Variants in ROPN1L observed in about 807,000 individuals in gnomAD.
ROPN1L encodes the protein rhophilin associated tail protein 1 like.
A neutral mutation model predicts 22.7 loss-of-function variants in ROPN1L; 23 were observed. The ratio of observed to expected loss-of-function variants is 1.01; its 90% CI spans 0.73 to 1.43. The LOEUF is 1.43. Ranked by LOEUF, ROPN1L falls within the 40% of genes most tolerant of loss-of-function variation. ROPN1L has a pLI of 0.00. For synonymous variants in ROPN1L, 116 were observed against 117.8 expected, an observed-to-expected ratio of 0.98 and a Z score of 0.10; for missense variants, 271 against 291.5, an observed-to-expected ratio of 0.93 and a Z score of 0.51.
chr5:10,462,286 A>C, intron 4 of ROPN1L, among the ~76,000 whole-genome samples: 1 of 152,256 alleles, frequency 6.6e-6, no homozygotes. Context: ...TATATATTTC[A>C]CAATATCACA....
At chr5:10,467,475 C>T (rs971685299), downstream of ROPN1L, among the ~76,000 whole-genome samples, 4 of 152,098 alleles carry the variant, frequency 2.6e-5, no homozygotes, top group African/African-American at 9.7e-5. Flanking sequence ...GGGTGATTTC[C>T]AGGGCTTCAC....
downstream of ROPN1L, among the ~76,000 whole-genome samples, chr5:10,473,878 GC>G (rs1011348563): frequency 1.3e-5 from 2 of 152,158 alleles, no homozygotes; most frequent in Non-Finnish European, 2.9e-5. Flanking sequence ...CTGGCTGGGC[GC>G]AATGGTTCAT....
chr5:10,462,738 A>G (rs1166754248), intron 4 of ROPN1L, among the ~76,000 whole-genome samples: 2 of 152,116 alleles, frequency 1.3e-5, no homozygotes, highest in African/African-American at 4.8e-5. Context: ...TACTAAAAAA[A>G]TAACCAGGTG....
chr5:10,480,696 A>G, the ROPN1L span, among the ~76,000 whole-genome samples: 2 of 152,074 alleles, frequency 1.3e-5, no homozygotes, highest in Non-Finnish European at 2.9e-5. Context: ...CCCCTGGGAG[A>G]GCCTTGGAAA....
exon 5 of ROPN1L, chr5:10,471,993 G>GGCC (rs1337410651): frequency 6.6e-6 from 1 of 152,284 alleles, no homozygotes; most frequent in Non-Finnish European, 1.5e-5. Context: ...TCCAGCACAC[G>GGCC]GCCATTCGAC....
downstream of ROPN1L, among the ~76,000 whole-genome samples, chr5:10,466,277 A>T (rs1735152984): frequency 6.6e-6 from 1 of 152,126 alleles, no homozygotes; most frequent in Non-Finnish European, 1.5e-5. Context: ...CAGCTTGCTA[A>T]GTGTCCATTT....
chr5:10,453,843 A>G (rs943285358), intron 3 of ROPN1L, among the ~76,000 whole-genome samples: 2 of 152,230 alleles, frequency 1.3e-5, no homozygotes, highest in Admixed American at 6.5e-5. Context: ...ATTTTGTGCC[A>G]GGCCCTGTTC....
At chr5:10,466,361 C>A (rs58648687), downstream of ROPN1L, among the ~76,000 whole-genome samples, 1 of 152,168 alleles carries the variant, frequency 6.6e-6, no homozygotes, top group African/African-American at 2.4e-5. Context: ...GAAATGAAGC[C>A]CCTGCCTCCT....
chr5:10,444,240 C>T (rs932221624), intron 1 of ROPN1L, among the ~76,000 whole-genome samples: 8 of 152,150 alleles, frequency 5.3e-5, no homozygotes, highest in African/African-American at 1.4e-4. Context: ...GAACATTAAA[C>T]TATATTTAGT....
the ROPN1L span, among the ~76,000 whole-genome samples, chr5:10,481,124 C>T: frequency 6.6e-6 from 1 of 152,294 alleles, no homozygotes; most frequent in South Asian, 2.1e-4. Flanking sequence ...TGCCTAATGA[C>T]ACGAGACTCC....
chr5:10,477,324 T>C, the ROPN1L span, among the ~76,000 whole-genome samples: 2 of 152,226 alleles, frequency 1.3e-5, no homozygotes, highest in African/African-American at 2.4e-5. Context: ...GGGCGCTCCA[T>C]GTCCTGGTCC....
chr5:10,443,219 A>G (rs1740941171), intron 1 of ROPN1L, among the ~76,000 whole-genome samples: 1 of 152,190 alleles, frequency 6.6e-6, no homozygotes, highest in African/African-American at 2.4e-5. Context: ...CTAATTTAAA[A>G]AGAAAAAAAA....
chr5:10,472,669 G>A (rs910444262), downstream of ROPN1L, among the ~76,000 whole-genome samples: 1 of 152,132 alleles, frequency 6.6e-6, no homozygotes, highest in Non-Finnish European at 1.5e-5. Flanking sequence ...TACGTGCCAG[G>A]CCTCAAGGAG....
chr5:10,452,953 A>G (rs138849937), intron 3 of ROPN1L, among the ~76,000 whole-genome samples: 2 of 152,348 alleles, frequency 1.3e-5, no homozygotes, highest in East Asian at 3.9e-4. Context: ...AGACATCACA[A>G]ACAGCACACA....
rs1735237963 is a variant in ROPN1L at position 10,471,070 on chromosome 5, A to G, written n.886-740A>G. On this transcript the variant is annotated intron_variant and non_coding_transcript_variant, in intron 4 of 4. Transcript: ENST00000510520. ...GGAGCCCAACTCCAAAGGAAAGGTG[A>G]AGAGTAAAGTGGCTCTTGGGGAGGG... 4.6e-5 allele frequency among the ~76,000 whole-genome samples: 7 copies of G among 152,212 alleles called. No homozygotes were observed. The South Asian group carries it at 1.4e-3, about 31-fold the overall frequency.
chr5:10,467,987 G>A (rs1009732624), downstream of ROPN1L, among the ~76,000 whole-genome samples: 19 of 152,354 alleles, frequency 1.2e-4, no homozygotes, highest in African/African-American at 4.1e-4. Flanking sequence ...CTGGGCCACT[G>A]GCCGGCTCAG....
At chr5:10,480,614 C>T in the ROPN1L span, among the ~76,000 whole-genome samples, 3 of 152,092 alleles carry the variant, frequency 2.0e-5, no homozygotes, top group South Asian at 2.1e-4. Flanking sequence ...GCGAGTGTGG[C>T]CTTATGTTGA....
At chr5:10,460,424 G>GC (rs1021755276) in intron 3 of ROPN1L, among the ~76,000 whole-genome samples, 1 of 152,218 alleles carries the variant, frequency 6.6e-6, no homozygotes, top group Non-Finnish European at 1.5e-5. Context: ...CCTGTTAGCT[G>GC]CCCCCCACCC....
chr5:10,466,148 T>A (rs1034089420), downstream of ROPN1L, among the ~76,000 whole-genome samples: 7 of 152,180 alleles, frequency 4.6e-5, no homozygotes, highest in Admixed American at 4.6e-4. Context: ...CAGGTTAGCT[T>A]CCAGGCCAGG....
Sources: gnomAD v4.1 joint callset for allele counts (sites outside exome capture counted in the v4.1 genomes callset) on GRCh38, gnomAD v4.1.1 for gene constraint, MANE v1.5 for transcripts, NCBI Gene and HGNC (gene_info 2026-07-23, HGNC 2026-07-21) for gene names.